Variants in PTPRT observed in about 807,000 individuals in gnomAD.
PTPRT encodes the protein protein tyrosine phosphatase receptor type T.
PTPRT carries 56 observed loss-of-function variants against 176.8 expected under a neutral mutation model. The observed-to-expected ratio is 0.32, with a 90% CI of 0.26 to 0.40. The LOEUF is 0.40. Among genes scored for constraint, PTPRT ranks in the 10% least tolerant of loss-of-function variants. The pLI is 1.00. For missense variants in PTPRT, 1,540 were observed against 1,908.2 expected (o/e 0.81, Z 3.60); for synonymous variants, 783 against 739.0 (o/e 1.06, Z -0.96).
At chr20:42,368,816 G>A (rs906726472) in intron 9 of PTPRT, among the ~76,000 whole-genome samples, 2 of 152,032 alleles carry the variant, frequency 1.3e-5, no homozygotes, top group Admixed American at 6.6e-5. Context: ...ATATAGAAAC[G>A]CTCCCATGGA....
chr20:43,166,061 G>C (rs999490093), intron 1 of PTPRT, among the ~76,000 whole-genome samples: 1 of 149,222 alleles, frequency 6.7e-6, no homozygotes, highest in African/African-American at 2.5e-5. Flanking sequence ...ATGGTGGCAC[G>C]CACCTGTAAT....
intron 5 of PTPRT, among the ~76,000 whole-genome samples, chr20:42,770,810 TAGTTGGAAA>T (rs902654777): frequency 2.0e-5 from 3 of 152,106 alleles, no homozygotes; most frequent in African/African-American, 7.2e-5. Flanking sequence ...TGTTAGAGGG[TAGTTGGAAA>T]AGGTCATAGT....
chr20:42,677,749 GC>G, intron 7 of PTPRT, 116 bp downstream of exon 7: 4 of 1,190,416 alleles, frequency 3.4e-6, no homozygotes, highest in Non-Finnish European at 4.7e-6. Context: ...ACAATAGGAA[GC>G]ACATTCACAT....
chr20:42,592,947 G>A (rs2073605949), intron 7 of PTPRT, among the ~76,000 whole-genome samples: 1 of 152,192 alleles, frequency 6.6e-6, no homozygotes, highest in Admixed American at 6.5e-5. Flanking sequence ...TCCCTTTCCA[G>A]TGTAGTGAAA....
intron 1 of PTPRT, among the ~76,000 whole-genome samples, chr20:43,133,182 C>T (rs1257729311): frequency 6.6e-6 from 1 of 152,050 alleles, no homozygotes; most frequent in Non-Finnish European, 1.5e-5. Flanking sequence ...GTGTAAAATT[C>T]GCTGAGCTGT....
chr20:42,905,571 A>C (rs893781262), intron 1 of PTPRT, among the ~76,000 whole-genome samples: 1 of 152,246 alleles, frequency 6.6e-6, no homozygotes, highest in Non-Finnish European at 1.5e-5. Flanking sequence ...TACTGGGTAC[A>C]TACCCAGAGG....
intron 14 of PTPRT, among the ~76,000 whole-genome samples, chr20:42,237,146 T>C (rs1179089326): frequency 2.0e-5 from 3 of 152,168 alleles, no homozygotes; most frequent in Non-Finnish European, 4.4e-5. Flanking sequence ...ACCATTGACA[T>C]TGCGGAACAG....
At chr20:42,404,943 A>C (rs1201546851) in intron 9 of PTPRT, among the ~76,000 whole-genome samples, 2 of 121,952 alleles carry the variant, frequency 1.6e-5, no homozygotes, top group Admixed American at 9.0e-5. Context: ...ATGAGACAAA[A>C]GTAAGCATGT....
chr20:42,657,576 A>G (rs530927616), intron 7 of PTPRT, among the ~76,000 whole-genome samples: 4 of 151,720 alleles, frequency 2.6e-5, no homozygotes, highest in African/African-American at 7.3e-5. Context: ...TGTGGGGGGG[A>G]AAAATCTGTG....
intron 8 of PTPRT, among the ~76,000 whole-genome samples, chr20:42,451,375 T>C (rs1243228478): frequency 1.3e-5 from 2 of 152,148 alleles, no homozygotes; most frequent in African/African-American, 4.8e-5. Context: ...TCAGTTTTTG[T>C]CATACTTTAT....
intron 1 of PTPRT, among the ~76,000 whole-genome samples, chr20:43,177,369 G>A (rs1031359832): frequency 8.5e-5 from 13 of 152,150 alleles, no homozygotes; most frequent in Non-Finnish European, 1.8e-4. Flanking sequence ...GCAGTGGTTA[G>A]AACTAAGGAT....
In PTPRT at chr20:43,122,867, T is replaced by A. The variant is rs1347579551; in HGVS notation, c.88+66779A>T. Among the ~76,000 whole-genome samples, 2 of 152,184 alleles carry A rather than the reference T, an allele frequency of 1.3e-5. 1 individual carries two copies. Among genetic ancestry groups the A allele is most frequent in the Middle Eastern group, 6.3e-3 (2 of 316 alleles). On this transcript the variant is annotated intron_variant, in intron 1 of 30. Coordinates refer to ENST00000373187, the MANE Select transcript of PTPRT (RefSeq NM_007050.6). ...TTGTTTTGTTTGTTGTTGTTGTTGTTTTTGAGATGGAGTTTCGGTCTTGTT... is the reference window on the plus strand; with the variant it reads ...TTGTTTTGTTTGTTGTTGTTGTTGTATTTGAGATGGAGTTTCGGTCTTGTT...
At chr20:42,804,532 C>A (rs1375792695) in intron 2 of PTPRT, among the ~76,000 whole-genome samples, 1 of 152,208 alleles carries the variant, frequency 6.6e-6, no homozygotes, top group Admixed American at 6.5e-5. Flanking sequence ...AGCTCTAGTG[C>A]TGACAACTGC....
At chr20:42,436,597 G>C (rs1028655059) in intron 9 of PTPRT, among the ~76,000 whole-genome samples, 5 of 152,216 alleles carry the variant, frequency 3.3e-5, no homozygotes, top group Non-Finnish European at 7.3e-5. Flanking sequence ...GTGTAAATTA[G>C]TGCAACCAGT....
intron 6 of PTPRT, among the ~76,000 whole-genome samples, chr20:42,724,386 T>C (rs968446103): frequency 2.1e-4 from 32 of 152,298 alleles, no homozygotes; most frequent in African/African-American, 5.8e-4. Context: ...TGGTGGTCAG[T>C]GGGGCTCAGC....
At position 42,076,920 on chromosome 20, in the gene PTPRT, G is replaced by A. The variant is rs898173006; in HGVS notation, c.*3959C>T. Reference sequence around the variant, plus strand: ...TTCCACTCTAGTCTCTTCTGTTATGGGTAACCTCCTGGGAAAAATGTGAGA... The same window carrying A: ...TTCCACTCTAGTCTCTTCTGTTATGAGTAACCTCCTGGGAAAAATGTGAGA... On this transcript the variant is annotated 3_prime_UTR_variant, in exon 31 of 31. Transcript: ENST00000373187. 1 of 197,276 alleles carries A rather than the reference G, an allele frequency of 5.1e-6. No homozygotes were observed. The highest frequency in any genetic ancestry group is 2.3e-5 in the African/African-American group (1 of 43,250). 12.2% of individuals were successfully genotyped at this position (197,276 alleles called of 1,614,324 possible). A position where few individuals can be genotyped will look rare whatever the true frequency, so the allele number is the denominator to read the frequency against.
rs117900096 is a variant in PTPRT, at chr20:42,690,449, G to A, written c.860-12290C>T. Among the ~76,000 whole-genome samples, 346 of 152,270 alleles carry A rather than the reference G, an allele frequency of 2.3e-3. 4 individuals carry two copies. The highest frequency in any genetic ancestry group is 4.0e-3 in the Non-Finnish European group (272 of 68,016). On this transcript the variant is annotated intron_variant, in intron 6 of 30. Transcript: ENST00000373187. ...GAGGCAGAGGCAGAGGAACTAGGCC[G>A]AGGGTTGGGTTGGGAGACTGAAAGG...
intron 13 of PTPRT, among the ~76,000 whole-genome samples, chr20:42,272,703 G>A (rs904889593): frequency 6.3e-5 from 9 of 142,438 alleles, no homozygotes; most frequent in South Asian, 2.2e-4. Flanking sequence ...GCGCGCATGC[G>A]TGCACACACA....
intron 7 of PTPRT, among the ~76,000 whole-genome samples, chr20:42,671,173 G>A (rs1053223394): frequency 2.6e-5 from 4 of 152,160 alleles, no homozygotes; most frequent in Non-Finnish European, 5.9e-5. Flanking sequence ...GGTTCTCACT[G>A]TGGACTCCCA....
Sources: gnomAD v4.1 joint callset for allele counts (sites outside exome capture counted in the v4.1 genomes callset) on GRCh38, gnomAD v4.1.1 for gene constraint, MANE v1.5 for transcripts, NCBI Gene and HGNC (gene_info 2026-07-23, HGNC 2026-07-21) for gene names.